RYK: variants seen among roughly 807,000 people sequenced by gnomAD.
RYK encodes the protein receptor like tyrosine kinase, also known as inactive tyrosine-protein kinase RYK.
In RYK, 21 loss-of-function variants were observed where a neutral mutation model predicts 70.2. The observed-to-expected ratio is 0.30, with a 90% CI of 0.21 to 0.43. RYK has a LOEUF of 0.43. Among genes scored for constraint, RYK ranks in the 20% least tolerant of loss-of-function variants. The probability of loss-of-function intolerance (pLI) is 1.00; values close to 1 mark genes in which losing one functional copy is unlikely to be tolerated. For synonymous variants in RYK, 267 were observed against 278.0 expected, an observed-to-expected ratio of 0.96 and a Z score of 0.39; for missense variants, 604 against 753.3, an observed-to-expected ratio of 0.80 and a Z score of 2.32.
chr3:134,236,611 T>C (rs370368861), intron 1 of RYK, among the ~76,000 whole-genome samples: 15 of 152,118 alleles, frequency 9.9e-5, no homozygotes, highest in Non-Finnish European at 2.9e-5. Context: ...CAGGCCAAAA[T>C]AGCCAAAACA....
At chr3:134,224,554 A>C (rs1413322659) in intron 1 of RYK, among the ~76,000 whole-genome samples, 1 of 152,164 alleles carries the variant, frequency 6.6e-6, no homozygotes, top group Non-Finnish European at 1.5e-5. Flanking sequence ...GACTCATGTC[A>C]GGCCTTCCAC....
At chr3:134,180,404 C>T (rs897760191) in intron 10 of RYK, 4 of 152,078 alleles carry the variant, frequency 2.6e-5, no homozygotes, top group African/African-American at 4.8e-5. Context: ...GCGTACAATC[C>T]GTAACCATGG....
At chr3:134,199,856 A>C (rs144975563) in intron 6 of RYK, among the ~76,000 whole-genome samples, 1 of 152,010 alleles carries the variant, frequency 6.6e-6, no homozygotes, top group South Asian at 2.1e-4. Flanking sequence ...TAAATGCACC[A>C]AACGGCACTC....
intron 1 of RYK, among the ~76,000 whole-genome samples, chr3:134,223,055 G>A (rs2014788519): frequency 6.6e-6 from 1 of 152,106 alleles, no homozygotes; most frequent in South Asian, 2.1e-4. Context: ...CATTTACCAT[G>A]GTACACACTT....
intron 4 of RYK, among the ~76,000 whole-genome samples, chr3:134,207,866 C>T (rs1318516495): frequency 6.6e-6 from 1 of 152,166 alleles, no homozygotes; most frequent in African/African-American, 2.4e-5. Flanking sequence ...TTGTCTAACC[C>T]ATAATTCCCA....
intron 13 of RYK, among the ~76,000 whole-genome samples, chr3:134,174,876 C>T (rs1304170063): frequency 6.6e-6 from 1 of 151,962 alleles, no homozygotes; most frequent in Non-Finnish European, 1.5e-5. Flanking sequence ...AGCCATAACA[C>T]TTAGAAGAGG....
Position 134,211,583 on chromosome 3 carries a change from C to T in RYK, c.379G>A (p.Val127Met), listed in dbSNP as rs577109506. The stretch of plus-strand genomic sequence containing the variant: ...ATATCCATTGCCAAAACATTGTCCA[C>T]TTGGAATCCCAGCTTATATTCAACC... ...SKVEYKLGFQ[V>M]DNVLAMDMPQ... The change falls in exon 3 of 15, where the codon GTG (valine) becomes ATG (methionine). Residue 127 changes from valine (V) to methionine (M), a missense_variant. Val to Met is a conservative substitution (Grantham distance 21). Transcript: ENST00000623711. The T allele has an allele frequency of 6.2e-7, 1 of 1,613,596 alleles. No homozygotes were observed. The highest frequency in any genetic ancestry group is 8.5e-7 in the Non-Finnish European group (1 of 1,179,614).
At chr3:134,184,731 CT>C (rs2013406861) in intron 9 of RYK, among the ~76,000 whole-genome samples, 3 of 152,134 alleles carry the variant, frequency 2.0e-5, no homozygotes, top group South Asian at 4.2e-4. Flanking sequence ...CACCACTGCA[CT>C]CCAGCCTGGG....
At chr3:134,227,637 C>CTAG (rs1301594053) in intron 1 of RYK, among the ~76,000 whole-genome samples, 2 of 151,704 alleles carry the variant, frequency 1.3e-5, no homozygotes, top group African/African-American at 4.8e-5. Flanking sequence ...GGATTATAAA[C>CTAG]TAGTACACCA....
Position 134,191,911 on chromosome 3 carries a change from C to T in RYK, c.953G>A (p.Gly318Asp), listed in dbSNP as rs1177593565. Residue 318 changes from glycine to aspartate, a missense_variant, in exon 8 of 15, where the codon GGC becomes GAC. Around this residue, in one of 2 missense-constraint regions of RYK, gnomAD observed 466 missense variants for 535.9 expected, o/e 0.87. Transcript: ENST00000623711. Reference protein sequence around the residue: ...LRSVTLLEAKGKVKDIAISRE... With the variant: ...LRSVTLLEAKDKVKDIAISRE... ...GGATATTGCTATATCCTTCACCTTG[C>T]CTTTGGCCTCCAAAAGAGTGACACT... 1.2e-6 allele frequency: 2 copies of T among 1,613,202 alleles called. No homozygotes were observed. Among genetic ancestry groups the T allele is most frequent in the Non-Finnish European group, 1.7e-6 (2 of 1,179,396 alleles).
At chr3:134,192,119 G>A (rs1320674853) in intron 7 of RYK, 145 bp from the exon 8 acceptor site, 2 of 726,222 alleles carry the variant, frequency 2.8e-6, no homozygotes, top group Non-Finnish European at 4.4e-6. Flanking sequence ...ATATGAACTA[G>A]GAGAGTTATT....
chr3:134,173,764 T>C (rs1003433265), intron 13 of RYK, among the ~76,000 whole-genome samples: 2 of 152,176 alleles, frequency 1.3e-5, no homozygotes, highest in Non-Finnish European at 2.9e-5. Flanking sequence ...TAGCACATAG[T>C]TTCTAAAAAG....
At chr3:134,241,629 T>C (rs1223167188) in intron 1 of RYK, among the ~76,000 whole-genome samples, 1 of 152,180 alleles carries the variant, frequency 6.6e-6, no homozygotes, top group African/African-American at 2.4e-5. Flanking sequence ...ATTCAACAAA[T>C]TGCTCAGGGT....
chr3:134,193,164 A>T (rs1376436473), intron 7 of RYK, among the ~76,000 whole-genome samples: 1 of 151,994 alleles, frequency 6.6e-6, no homozygotes, highest in Non-Finnish European at 1.5e-5. Flanking sequence ...TTTTTAAAAG[A>T]TAAATAAATT....
intron 1 of RYK, among the ~76,000 whole-genome samples, chr3:134,223,045 C>T (rs555691039): frequency 1.3e-5 from 2 of 152,310 alleles, no homozygotes; most frequent in South Asian, 4.1e-4. Flanking sequence ...GTTCTGATAG[C>T]ATTTACCATG....
chr3:134,219,380 G>C lies in RYK; in HGVS notation c.354+3038C>G, dbSNP rs113152839. ...GTAAAAGAAGGTTTTATTTTGTTCA[G>C]TCCTGACTGCCACTTCCCACATTGC... is the stretch of plus-strand genomic sequence containing the variant. On this transcript the variant is annotated intron_variant, in intron 2 of 14. Transcript: ENST00000623711. 8.3e-3 allele frequency among the ~76,000 whole-genome samples: 1,263 copies of C among 152,244 alleles called. 16 individuals carry two copies. Among genetic ancestry groups the C allele is most frequent in the African/African-American group, 0.028 (1,152 of 41,522 alleles).
chr3:134,243,170 C>A (rs2107697351), intron 1 of RYK, among the ~76,000 whole-genome samples: 1 of 152,238 alleles, frequency 6.6e-6, no homozygotes, highest in East Asian at 1.9e-4. Context: ...CTTGACCAAC[C>A]ACTTCTCCCA....
rs906997541 is a variant in RYK at position 134,246,551 on chromosome 3, G to GA, written c.232+3871dup. On this transcript the variant is annotated intron_variant, in intron 1 of 14. Transcript: ENST00000623711. ...AAAGAACCTGAGCTTCAAAAAAACAGAAAAAAAGAGGCATCAGAATGGCTT... is the reference window on the plus strand; with the variant it reads ...AAAGAACCTGAGCTTCAAAAAAACAGAAAAAAAAGAGGCATCAGAATGGCTT... 3.4e-4 allele frequency among the ~76,000 whole-genome samples: 52 copies of GA among 151,610 alleles called. 2 individuals are homozygous for GA. Among genetic ancestry groups the GA allele is most frequent in the Admixed American group, 2.0e-4 (3 of 15,208 alleles).
At chr3:134,206,925 A>G (rs1212650838) in intron 5 of RYK, among the ~76,000 whole-genome samples, 1 of 152,124 alleles carries the variant, frequency 6.6e-6, no homozygotes, top group Non-Finnish European at 1.5e-5. Context: ...TCCTTTTAAG[A>G]TACTGCTATT....
Sources: gnomAD v4.1 joint callset for allele counts (sites outside exome capture counted in the v4.1 genomes callset) on GRCh38, gnomAD v4.1.1 for gene constraint, gnomAD v4.1.1 regional missense constraint, MANE v1.5 for transcripts, NCBI Gene and HGNC (gene_info 2026-07-23, HGNC 2026-07-21) for gene names.